The following CACHD1 variants were observed in gnomAD, a reference collection of about 807,000 sequenced individuals.
The protein encoded by CACHD1 is cache domain containing 1, also known as VWFA and cache domain-containing protein 1.
In CACHD1, 71 loss-of-function variants were observed where a neutral mutation model predicts 138.7. The observed-to-expected ratio is 0.51, with a 90% CI of 0.42 to 0.62. The LOEUF is 0.62. CACHD1 is among the 20% of genes least tolerant of loss of function. The probability of loss-of-function intolerance (pLI) is 0.00; values close to 1 mark genes in which losing one functional copy is unlikely to be tolerated. For missense variants in CACHD1, 1,389 were observed against 1,625.3 expected, an observed-to-expected ratio of 0.85 and a Z score of 2.50; for synonymous variants, 578 against 591.5, an observed-to-expected ratio of 0.98 and a Z score of 0.33.
intron 1 of CACHD1, among the ~76,000 whole-genome samples, chr1:64,548,901 G>A (rs1221275067): frequency 6.6e-6 from 1 of 152,196 alleles, no homozygotes; most frequent in African/African-American, 2.4e-5. Context: ...CATGACCGCA[G>A]CATCTTTTAA....
intron 1 of CACHD1, among the ~76,000 whole-genome samples, chr1:64,478,080 C>T (rs1646186358): frequency 6.6e-6 from 1 of 152,066 alleles, no homozygotes; most frequent in Admixed American, 6.5e-5. Context: ...TTACAATTCA[C>T]AAATAAATAT....
At chr1:64,666,244 C>T (rs891424744) in intron 16 of CACHD1, 77 bp downstream of exon 16, 29 of 857,882 alleles carry the variant, frequency 3.4e-5, no homozygotes, top group Middle Eastern at 3.6e-4. Flanking sequence ...GAAGAGTACG[C>T]GCACCAAGGC....
At chr1:64,548,816 T>G (rs963521561) in intron 1 of CACHD1, among the ~76,000 whole-genome samples, 9 of 152,244 alleles carry the variant, frequency 5.9e-5, no homozygotes, top group Non-Finnish European at 1.0e-4. Flanking sequence ...TGTAAAACTT[T>G]TGATTTTCAG....
chr1:64,541,051 G>A (rs1322887728), intron 1 of CACHD1, among the ~76,000 whole-genome samples: 5 of 152,210 alleles, frequency 3.3e-5, no homozygotes, highest in East Asian at 1.9e-4. Context: ...AAAGAGGAGA[G>A]GGAAGGAAAA....
At chr1:64,473,509 T>G (rs1424449506) in intron 1 of CACHD1, among the ~76,000 whole-genome samples, 1 of 152,038 alleles carries the variant, frequency 6.6e-6, no homozygotes, top group East Asian at 1.9e-4. Context: ...GGAGCTAATC[T>G]GTTTTTCAGA....
intron 2 of CACHD1, among the ~76,000 whole-genome samples, chr1:64,568,585 A>G (rs566591833): frequency 6.6e-6 from 1 of 152,298 alleles, no homozygotes; most frequent in African/African-American, 2.4e-5. Flanking sequence ...TTTTAAGGAA[A>G]ACATACATGT....
At chr1:64,689,633 G>C (rs367993557) in intron 26 of CACHD1, among the ~76,000 whole-genome samples, 1 of 151,900 alleles carries the variant, frequency 6.6e-6, no homozygotes. Context: ...GCTACTCTTC[G>C]GCACGGGCTT....
intron 6 of CACHD1, among the ~76,000 whole-genome samples, chr1:64,633,415 T>G (rs1283891077): frequency 6.6e-6 from 1 of 152,136 alleles, no homozygotes; most frequent in Non-Finnish European, 1.5e-5. Flanking sequence ...GGTTTCTAAT[T>G]AGCCATGACT....
chr1:64,531,064 C>G (rs2100402112), intron 1 of CACHD1, among the ~76,000 whole-genome samples: 1 of 152,060 alleles, frequency 6.6e-6, no homozygotes. Context: ...TCAGATTCAG[C>G]CAGTTCTATA....
intron 25 of CACHD1, 143 bp from the exon 26 acceptor site, chr1:64,681,862 C>T: frequency 1.4e-6 from 1 of 709,282 alleles, no homozygotes; most frequent in Non-Finnish European, 2.4e-6. Flanking sequence ...CCCCAATCCC[C>T]AGAATTGTTT....
At chr1:64,516,491 A>T (rs1206884626) in intron 1 of CACHD1, among the ~76,000 whole-genome samples, 2 of 152,182 alleles carry the variant, frequency 1.3e-5, no homozygotes, top group Non-Finnish European at 2.9e-5. Context: ...GTACTTAGTA[A>T]ATGTTTACTC....
intron 1 of CACHD1, among the ~76,000 whole-genome samples, chr1:64,520,914 A>G (rs1646493543): frequency 6.6e-6 from 1 of 152,148 alleles, no homozygotes; most frequent in African/African-American, 2.4e-5. Flanking sequence ...ATCTAAACCT[A>G]GGTTTATCTC....
At position 64,652,088 on chromosome 1, in the gene CACHD1, C is replaced by A; in HGVS notation, c.1391-73C>A. ...GCTGATAGAAGCCTTCATGATTCAC[C>A]GGAGCACAGTTCCAGTCTTTGTCCA... On this transcript the variant is annotated intron_variant, in intron 9 of 26. Coordinates refer to ENST00000651257, the MANE Select transcript of CACHD1 (RefSeq NM_020925.4). 1 of 1,328,536 alleles carries A rather than the reference C, an allele frequency of 7.5e-7. No individual in the cohort carries two copies. Among genetic ancestry groups the A allele is most frequent in the Non-Finnish European group, 1.0e-6 (1 of 972,918 alleles). The allele number at this position is 1,328,536 out of a possible 1,614,324, so 82.3% of individuals were successfully genotyped here. A position where few individuals can be genotyped will look rare whatever the true frequency, so the allele number is the denominator to read the frequency against.
intron 1 of CACHD1, among the ~76,000 whole-genome samples, chr1:64,515,955 A>C (rs1646456048): frequency 6.6e-6 from 1 of 152,104 alleles, no homozygotes; most frequent in African/African-American, 2.4e-5. Flanking sequence ...AGATACTTTC[A>C]TTTTTTGGAA....
chr1:64,550,779 T>G, intron 2 of CACHD1, 123 bp downstream of exon 2: 1 of 626,518 alleles, frequency 1.6e-6, no homozygotes, highest in South Asian at 2.2e-5. Context: ...TAATTTCACG[T>G]GCATCTCATG....
At chr1:64,571,048 C>G (rs576828581) in intron 2 of CACHD1, among the ~76,000 whole-genome samples, 1 of 152,082 alleles carries the variant, frequency 6.6e-6, no homozygotes, top group Non-Finnish European at 1.5e-5. Context: ...CCTAGAAAGG[C>G]CTTTTCTCTA....
intron 5 of CACHD1, among the ~76,000 whole-genome samples, chr1:64,629,928 A>G (rs1648242898): frequency 6.6e-6 from 1 of 152,090 alleles, no homozygotes; most frequent in South Asian, 2.1e-4. Context: ...GATTTTAACT[A>G]TTAGAAGTTT....
At chr1:64,566,861 T>A (rs56198269) in intron 2 of CACHD1, among the ~76,000 whole-genome samples, 92,147 of 151,908 alleles carry the variant, frequency 0.61, 30,486 homozygotes, top group Non-Finnish European at 0.72. Context: ...TTAGAGCTAA[T>A]AGATAATATA....
rs536023060 is a variant in CACHD1 at position 64,537,865 on chromosome 1, C to G, written c.199-12729C>G. ...ATAAGCAAATGGAGGCAAATCCAAC[C>G]TCTCCAAGGCCACCCTGCTGGTAAG... On this transcript the variant is annotated intron_variant, in intron 1 of 26. Coordinates refer to ENST00000651257, the MANE Select transcript of CACHD1 (RefSeq NM_020925.4). 1.2e-4 allele frequency among the ~76,000 whole-genome samples: 18 copies of G among 152,266 alleles called. No individual in the cohort carries two copies. The South Asian group carries it at 3.3e-3, about 28-fold the overall frequency.
Sources: allele counts gnomAD v4.1 joint callset (sites outside exome capture counted in the v4.1 genomes callset), GRCh38; gene constraint gnomAD v4.1.1; transcripts MANE v1.5; gene names NCBI Gene and HGNC (gene_info 2026-07-23, HGNC 2026-07-21).